The following CAAP1 variants were observed in gnomAD, a reference collection of about 807,000 sequenced individuals.
The protein encoded by CAAP1 is caspase activity and apoptosis inhibitor 1, also known as conserved anti-apoptotic protein.
A neutral mutation model predicts 34.0 loss-of-function variants in CAAP1; 20 were observed. The ratio of observed to expected loss-of-function variants is 0.59; its 90% CI spans 0.41 to 0.86. CAAP1 has a LOEUF of 0.86. CAAP1 is among the 40% of genes least tolerant of loss of function. The pLI is 0.00. For missense variants in CAAP1, 538 were observed against 450.5 expected (o/e 1.19, Z -1.76); for synonymous variants, 213 against 166.7 (o/e 1.28, Z -2.14).
At position 26,840,817 on chromosome 9, in the gene CAAP1, T is replaced by C. The variant is rs1822459838; in HGVS notation, c.*1484A>G. 1 of 152,258 alleles carries C rather than the reference T, an allele frequency of 6.6e-6. No homozygotes were observed. The highest frequency in any genetic ancestry group is 2.4e-5 in the African/African-American group (1 of 41,478). The allele number at this position is 152,258 out of a possible 1,614,324, so 9.4% of individuals were successfully genotyped here. ...CAATAAAGTTTATTCTGTACTACTT[T>C]AGCATATTAACTATTACTTTTAAGT... On this transcript the variant is annotated 3_prime_UTR_variant, in exon 6 of 6. Coordinates refer to ENST00000333916, the MANE Select transcript of CAAP1 (RefSeq NM_024828.4).
In CAAP1 at chr9:26,892,657, G is replaced by A. The variant is rs779467654; in HGVS notation, c.59C>T (p.Ala20Val). 16 of 1,607,232 alleles carry A rather than the reference G, an allele frequency of 1.0e-5. No homozygotes were observed. The highest frequency in any genetic ancestry group is 8.5e-7 in the Non-Finnish European group (1 of 1,179,214). ...GATGTCCGGGGCCGCGAGCGCTGCG[G>A]CCGCCTCCTGACTGCTACGTTTGCG... ...KRRKRSSQEA[A>V]AALAAPDIVP... The change falls in exon 1 of 6, where the codon GCC (alanine) becomes GTC (valine). Residue 20 changes from alanine to valine, a missense_variant. Coordinates refer to ENST00000333916, the MANE Select transcript of CAAP1 (RefSeq NM_024828.4).
chr9:26,854,651 C>T (rs185783063), intron 5 of CAAP1, among the ~76,000 whole-genome samples: 2 of 152,258 alleles, frequency 1.3e-5, no homozygotes, highest in East Asian at 3.9e-4. Flanking sequence ...ATCTGCAAAA[C>T]ATATGTGACA....
At chr9:26,876,884 T>C (rs879560086) in intron 4 of CAAP1, among the ~76,000 whole-genome samples, 2 of 152,192 alleles carry the variant, frequency 1.3e-5, no homozygotes, top group Non-Finnish European at 2.9e-5. Flanking sequence ...CTGGGTGCAG[T>C]GGCTCATGTC....
At chr9:26,877,827 C>T (rs1027150377) in intron 4 of CAAP1, among the ~76,000 whole-genome samples, 1 of 151,816 alleles carries the variant, frequency 6.6e-6, no homozygotes, top group Admixed American at 6.6e-5. Context: ...GTATTTATTA[C>T]ATATATTTCC....
At chr9:26,851,592 G>A (rs532581814) in intron 5 of CAAP1, among the ~76,000 whole-genome samples, 17 of 152,278 alleles carry the variant, frequency 1.1e-4, no homozygotes, top group African/African-American at 3.9e-4. Flanking sequence ...GCTGACATAA[G>A]CAATTCCTGA....
chr9:26,883,113 G>T (rs947735774), intron 4 of CAAP1, among the ~76,000 whole-genome samples: 11 of 152,190 alleles, frequency 7.2e-5, no homozygotes, highest in African/African-American at 2.7e-4. Context: ...ATGCTGAAAT[G>T]AGTTAAGACT....
intron 4 of CAAP1, among the ~76,000 whole-genome samples, chr9:26,874,564 C>T (rs1248377165): frequency 6.6e-6 from 1 of 152,126 alleles, no homozygotes; most frequent in East Asian, 1.9e-4. Context: ...AACCACCTTT[C>T]TATTAATTAC....
Position 26,859,664 on chromosome 9 carries a change from T to C in CAAP1, c.739+1402A>G, listed in dbSNP as rs572965673. On this transcript the variant is annotated intron_variant, in intron 5 of 5. Transcript: ENST00000333916. Reference sequence around the variant, plus strand: ...TTATGATTATATTATATAAAAATAATATGTGTTTAGCATGTATTTATATGT... The same window carrying C: ...TTATGATTATATTATATAAAAATAACATGTGTTTAGCATGTATTTATATGT... Among the ~76,000 whole-genome samples the C allele has an allele frequency of 6.7e-4, 102 of 151,884 alleles. 1 individual carries two copies. The highest frequency in any genetic ancestry group is 2.3e-3 in the African/African-American group (96 of 41,174).
At position 26,855,587 on chromosome 9, in the gene CAAP1, C is replaced by T. The variant is rs142937742; in HGVS notation, c.739+5479G>A. On this transcript the variant is annotated intron_variant, in intron 5 of 5. Coordinates refer to ENST00000333916, the MANE Select transcript of CAAP1 (RefSeq NM_024828.4). ...GCTCACTTTTTCTGTAAACCTAAAGCTGCTACCAAAAAAAAAGCCTTTAAT... is the reference window on the plus strand; with the variant it reads ...GCTCACTTTTTCTGTAAACCTAAAGTTGCTACCAAAAAAAAAGCCTTTAAT... 4.7e-3 allele frequency among the ~76,000 whole-genome samples: 709 copies of T among 151,992 alleles called. 25 individuals are homozygous for T. The highest frequency in any genetic ancestry group is 7.7e-4 in the Non-Finnish European group (52 of 67,940).
At chr9:26,883,362 C>T (rs2131337943) in intron 4 of CAAP1, among the ~76,000 whole-genome samples, 1 of 152,284 alleles carries the variant, frequency 6.6e-6, no homozygotes, top group East Asian at 1.9e-4. Context: ...CTTGCTGCCG[C>T]CATGTATGAA....
At position 26,841,087 on chromosome 9, in the gene CAAP1, A is replaced by AT. The variant is rs1822468104; in HGVS notation, c.*1213dup. 1 of 152,180 alleles carries AT rather than the reference A, an allele frequency of 6.6e-6. No homozygotes were observed. Among genetic ancestry groups the AT allele is most frequent in the Non-Finnish European group, 1.5e-5 (1 of 67,998 alleles). The allele number at this position is 152,180 out of a possible 1,614,324, so 9.4% of individuals were successfully genotyped here. A position where few individuals can be genotyped will look rare whatever the true frequency, so the allele number is the denominator to read the frequency against. On this transcript the variant is annotated 3_prime_UTR_variant, in exon 6 of 6. Coordinates refer to ENST00000333916, the MANE Select transcript of CAAP1 (RefSeq NM_024828.4). ...CGTTTCATAAATGTCCTCTATTTCC[A>AT]TTTAAAAACTCTCTAAAATTAACAT...
At chr9:26,865,834 T>G (rs1823122762) in intron 4 of CAAP1, among the ~76,000 whole-genome samples, 1 of 152,178 alleles carries the variant, frequency 6.6e-6, no homozygotes, top group South Asian at 2.1e-4. Flanking sequence ...CTAAAGACAG[T>G]AAATAACTTT....
At chr9:26,843,087 A>G (rs946837943) in intron 5 of CAAP1, among the ~76,000 whole-genome samples, 1 of 152,228 alleles carries the variant, frequency 6.6e-6, no homozygotes, top group African/African-American at 2.4e-5. Context: ...ACTACAAAAA[A>G]GAAAAAGTAT....
intron 4 of CAAP1, among the ~76,000 whole-genome samples, chr9:26,867,871 T>G (rs561794920): frequency 2.0e-5 from 3 of 152,134 alleles, no homozygotes; most frequent in Non-Finnish European, 4.4e-5. Flanking sequence ...CAAACATCAT[T>G]TTGAGAAAGA....
chr9:26,892,415 G>T lies in CAAP1; in HGVS notation c.301C>A (p.Gln101Lys). 1 of 1,604,750 alleles carries T rather than the reference G, an allele frequency of 6.2e-7. No homozygotes were observed. ...CGGCCAGAGGGGCGCGCACGCACCT[G>T]CTGCAAGGAGCCCGAGACGCTGGAA... is the stretch of plus-strand genomic sequence containing the variant. ...DSSSVSGSLQ[Q>K]ETKYILPTLE... Residue 101 changes from glutamine to lysine, a missense_variant and splice_region_variant, in exon 1 of 6, where the codon CAG (glutamine) becomes AAG (lysine). By Grantham distance (53) the Gln-to-Lys change is moderately conservative (BLOSUM62 1). Transcript: ENST00000333916.
chr9:26,891,520 A>AT (rs1353091006), intron 1 of CAAP1, among the ~76,000 whole-genome samples: 1 of 152,176 alleles, frequency 6.6e-6, no homozygotes, highest in African/African-American at 2.4e-5. Flanking sequence ...CTCTCCCAAC[A>AT]TAACTCTTGT....
At chr9:26,845,192 TG>T (rs1304970971) in intron 5 of CAAP1, among the ~76,000 whole-genome samples, 2 of 152,130 alleles carry the variant, frequency 1.3e-5, no homozygotes, top group Non-Finnish European at 2.9e-5. Context: ...AGATTTTTGT[TG>T]TTGTTCCCTG....
At chr9:26,892,151 G>T in intron 1 of CAAP1, 1 of 873,974 alleles carries the variant, frequency 1.1e-6, no homozygotes, top group Non-Finnish European at 1.7e-6. Context: ...GAAACCATAG[G>T]AGTGGAAGGA....
intron 4 of CAAP1, among the ~76,000 whole-genome samples, chr9:26,878,634 T>C (rs1823505188): frequency 6.6e-6 from 1 of 152,112 alleles, no homozygotes; most frequent in Non-Finnish European, 1.5e-5. Context: ...TTCCACACAG[T>C]TCTCAGACCT....
Sources: gnomAD v4.1 joint callset for allele counts (sites outside exome capture counted in the v4.1 genomes callset) on GRCh38, gnomAD v4.1.1 for gene constraint, MANE v1.5 for transcripts, NCBI Gene and HGNC (gene_info 2026-07-23, HGNC 2026-07-21) for gene names.